ATP8A2: variants seen among roughly 807,000 people sequenced by gnomAD.
The protein encoded by ATP8A2 is phospholipid-transporting ATPase IB.
ATP8A2 carries 100 observed loss-of-function variants against 165.6 expected under a neutral mutation model. The ratio of observed to expected loss-of-function variants is 0.60; its 90% CI spans 0.51 to 0.71. The LOEUF is 0.71. Among genes scored for constraint, ATP8A2 ranks in the 30% least tolerant of loss-of-function variants. The probability of loss-of-function intolerance (pLI) is 0.00; values close to 1 mark genes in which losing one functional copy is unlikely to be tolerated. For synonymous variants in ATP8A2, 543 were observed against 548.8 expected (o/e 0.99, Z 0.15); for missense variants, 1,227 against 1,479.5 (o/e 0.83, Z 2.80).
At chr13:25,941,148 C>T (rs983789852) in intron 33 of ATP8A2, among the ~76,000 whole-genome samples, 2 of 152,154 alleles carry the variant, frequency 1.3e-5, no homozygotes, top group African/African-American at 2.4e-5. Context: ...CCACCTCCCC[C>T]GAGTACTGCT....
At chr13:25,706,470 T>C (rs2043056987) in intron 25 of ATP8A2, among the ~76,000 whole-genome samples, 1 of 152,166 alleles carries the variant, frequency 6.6e-6, no homozygotes, top group African/African-American at 2.4e-5. Flanking sequence ...CTTTTTTACC[T>C]TAATGAGGCA....
intron 33 of ATP8A2, among the ~76,000 whole-genome samples, chr13:25,922,559 C>T (rs894479540): frequency 2.0e-5 from 3 of 152,162 alleles, no homozygotes; most frequent in African/African-American, 7.2e-5. Context: ...TTCCCGTAGG[C>T]AGCTGCCTGC....
chr13:25,465,755 C>CTCTTTCTCTCTT (rs2035646028), intron 1 of ATP8A2, among the ~76,000 whole-genome samples: 1 of 11,834 alleles, frequency 8.5e-5, no homozygotes, highest in African/African-American at 1.7e-4. Context: ...CTCCCTCTCT[C>CTCTTTCTCTCTT]TCTCTCTTTC....
chr13:25,977,109 C>G (rs1956066240), intron 35 of ATP8A2, among the ~76,000 whole-genome samples: 1 of 149,780 alleles, frequency 6.7e-6, no homozygotes, highest in Non-Finnish European at 1.5e-5. Context: ...TGCCCAGCCG[C>G]AGCTCACATT....
chr13:25,959,468 A>G (rs1012448289), intron 33 of ATP8A2, among the ~76,000 whole-genome samples: 39 of 152,344 alleles, frequency 2.6e-4, no homozygotes, highest in Middle Eastern at 3.4e-3. Context: ...AGGAAATACC[A>G]AAACGAGACT....
Position 25,559,754 on chromosome 13 carries a change from A to G in ATP8A2, c.1386A>G (p.Ser462=), listed in dbSNP as rs2039086820. Residue 462 remains serine, a synonymous_variant, in exon 15 of 37, where the codon TCA becomes TCG. Transcript: ENST00000381655. ...HFPELAREPS[S]DDFCRMPPPC... ...CAGAATTGGCAAGAGAGCCGTCTTCAGATGACTTCTGGTAAGTAGATTCTA... is the reference window on the plus strand; with the variant it reads ...CAGAATTGGCAAGAGAGCCGTCTTCGGATGACTTCTGGTAAGTAGATTCTA... 3 of 1,612,856 alleles carry G rather than the reference A, an allele frequency of 1.9e-6. No homozygotes were observed. Among genetic ancestry groups the G allele is most frequent in the Non-Finnish European group, 2.5e-6 (3 of 1,179,034 alleles).
intron 24 of ATP8A2, among the ~76,000 whole-genome samples, chr13:25,667,198 A>G (rs778333606): frequency 7.9e-5 from 12 of 152,022 alleles, no homozygotes; most frequent in Non-Finnish European, 1.8e-4. Context: ...GGATTTACCC[A>G]CTCTGATTAT....
chr13:25,801,912 G>A (rs189924515), intron 27 of ATP8A2, among the ~76,000 whole-genome samples: 2 of 152,134 alleles, frequency 1.3e-5, no homozygotes, highest in Admixed American at 1.3e-4. Context: ...CAAAGTGGGG[G>A]CAGAAAGCCA....
intron 35 of ATP8A2, among the ~76,000 whole-genome samples, chr13:25,998,385 A>G (rs529852955): frequency 1.6e-4 from 25 of 152,182 alleles, no homozygotes; most frequent in African/African-American, 6.0e-4. Flanking sequence ...CTAAGGGAAG[A>G]AGTCTAAGAG....
intron 24 of ATP8A2, among the ~76,000 whole-genome samples, chr13:25,635,804 A>T (rs1412794083): frequency 6.6e-6 from 1 of 152,250 alleles, no homozygotes; most frequent in Admixed American, 6.5e-5. Flanking sequence ...CTTTGGAAAG[A>T]CATAAAAGGA....
chr13:26,012,469 G>C, intron 35 of ATP8A2, 62 bp from the exon 36 acceptor site: 3 of 1,367,914 alleles, frequency 2.2e-6, no homozygotes, highest in Non-Finnish European at 3.0e-6. Flanking sequence ...CCTTCTGTCT[G>C]TCTCCTTGTG....
chr13:26,014,264 C>G lies in ATP8A2; in HGVS notation c.3469+1642C>G, dbSNP rs931450869. Among the ~76,000 whole-genome samples, 27 of 152,178 alleles carry G rather than the reference C, an allele frequency of 1.8e-4. No individual in the cohort carries two copies. In the East Asian group the frequency reaches 5.2e-3, roughly 29 times the overall value. On this transcript the variant is annotated intron_variant, in intron 36 of 36. Coordinates refer to ENST00000381655, the MANE Select transcript of ATP8A2 (RefSeq NM_016529.6). ...TGCCAGAGGTTCAGTGTAGGTCCTGCCACCCACAGCTGCACAGAAAGCCAA... is the reference window on the plus strand; with the variant it reads ...TGCCAGAGGTTCAGTGTAGGTCCTGGCACCCACAGCTGCACAGAAAGCCAA...
chr13:25,885,146 C>T (rs1377736868), intron 33 of ATP8A2, among the ~76,000 whole-genome samples: 1 of 126,098 alleles, frequency 7.9e-6, no homozygotes, highest in African/African-American at 3.0e-5. Context: ...GAGTCTTGCT[C>T]TTGTCACCCA....
intron 33 of ATP8A2, among the ~76,000 whole-genome samples, chr13:25,913,384 T>C (rs1954177053): frequency 6.6e-6 from 1 of 152,224 alleles, no homozygotes; most frequent in South Asian, 2.1e-4. Context: ...TATAACAAAA[T>C]TCAGATACAT....
At chr13:25,833,654 T>A (rs74038019) in intron 28 of ATP8A2, among the ~76,000 whole-genome samples, 3,832 of 152,194 alleles carry the variant, frequency 0.025, 165 homozygotes, top group African/African-American at 0.085. Flanking sequence ...TTATCTGGAA[T>A]AAAATGGACT....
chr13:25,389,288 A>G, intron 1 of ATP8A2, among the ~76,000 whole-genome samples: 1 of 152,200 alleles, frequency 6.6e-6, no homozygotes, highest in South Asian at 2.1e-4. Context: ...TATAATAATT[A>G]TTTCTGTCAT....
Position 25,540,403 on chromosome 13 carries a change from G to A in ATP8A2, c.651+15G>A, listed in dbSNP as rs762855213. ...AAATACGTCAGGTAAAGTCACCTCT[G>A]ATGACTTGTGTTGTTATGGTAGACA... On this transcript the variant is annotated intron_variant, in intron 8 of 36. Transcript: ENST00000381655. The A allele has an allele frequency of 1.9e-6, 3 of 1,585,864 alleles. No individual in the cohort carries two copies. The highest frequency in any genetic ancestry group is 4.5e-5 in the East Asian group (2 of 44,748).
chr13:25,408,984 A>G (rs555649113), intron 1 of ATP8A2, among the ~76,000 whole-genome samples: 9 of 152,250 alleles, frequency 5.9e-5, no homozygotes, highest in Non-Finnish European at 1.3e-4. Context: ...AGTACCTTCA[A>G]TTATAGTTTG....
At chr13:25,889,888 C>T (rs768076120) in intron 33 of ATP8A2, among the ~76,000 whole-genome samples, 6 of 152,010 alleles carry the variant, frequency 3.9e-5, no homozygotes, top group Non-Finnish European at 4.4e-5. Flanking sequence ...TTTGGCCGGG[C>T]GCGGTGGTTC....
Sources: gnomAD v4.1 joint callset for allele counts (sites outside exome capture counted in the v4.1 genomes callset) on GRCh38, gnomAD v4.1.1 for gene constraint, MANE v1.5 for transcripts, NCBI Gene and HGNC (gene_info 2026-07-23, HGNC 2026-07-21) for gene names.